The following IMPDH1 variants were observed in gnomAD, a reference collection of about 807,000 sequenced individuals.
IMPDH1 encodes the protein inosine monophosphate dehydrogenase 1.
In IMPDH1, 41 loss-of-function variants were observed where a neutral mutation model predicts 73.5. The observed-to-expected ratio is 0.56, with a 90% CI of 0.43 to 0.72. IMPDH1 has a LOEUF of 0.72. IMPDH1 is among the 30% of genes least tolerant of loss of function. The probability of loss-of-function intolerance (pLI) is 0.00; values close to 1 mark genes in which losing one functional copy is unlikely to be tolerated. For missense variants in IMPDH1, 645 were observed against 824.8 expected, an observed-to-expected ratio of 0.78 and a Z score of 2.67; for synonymous variants, 318 against 334.3, an observed-to-expected ratio of 0.95 and a Z score of 0.53.
In IMPDH1 at chr7:128,400,128, C is replaced by A. The variant is rs145014241; in HGVS notation, c.841G>T (p.Glu281Ter). Residue 281 changes from glutamate to a stop codon, truncating the protein, a stop_gained, in exon 9 of 17, where the codon GAG becomes TAG. Coordinates refer to ENST00000338791, the MANE Select transcript of IMPDH1 (RefSeq NM_000883.4). LOFTEE classifies it high-confidence loss of function. ...CTACGCTGCAGGATCTCATTTGCCT[C>A]TTTCAACGTCACACCTGCTGGAGCC... ...VVAPAGVTLK[E>*]ANEILQRSKK... 2 of 1,613,888 alleles carry A rather than the reference C, an allele frequency of 1.2e-6. No homozygotes were observed. The highest frequency in any genetic ancestry group is 1.7e-6 in the Non-Finnish European group (2 of 1,180,002).
chr7:128,393,315 C>T (rs968132664), intron 16 of IMPDH1, among the ~76,000 whole-genome samples: 1 of 152,216 alleles, frequency 6.6e-6, no homozygotes, highest in Non-Finnish European at 1.5e-5. Flanking sequence ...GGAGGGACAG[C>T]TCAGGCAGGC....
Position 128,409,908 on chromosome 7 carries a change from G to A in IMPDH1, c.-7C>T. On this transcript the variant is annotated 5_prime_UTR_variant, in exon 1 of 17. Transcript: ENST00000338791. Reference sequence around the variant, plus strand: ...GAGTGAGTGGCCCCTCCATGCGGAGGCCGCAGCTCAGGGCGGGCGGGAGCC... The same window carrying A: ...GAGTGAGTGGCCCCTCCATGCGGAGACCGCAGCTCAGGGCGGGCGGGAGCC... 1 of 1,398,426 alleles carries A rather than the reference G, an allele frequency of 7.2e-7. No individual in the cohort carries two copies. Among genetic ancestry groups the A allele is most frequent in the East Asian group, 3.0e-5 (1 of 32,966 alleles). The allele number at this position is 1,398,426 out of a possible 1,614,324, so 86.6% of individuals were successfully genotyped here.
intron 5 of IMPDH1, among the ~76,000 whole-genome samples, chr7:128,402,585 T>A (rs563012342): frequency 3.9e-5 from 6 of 152,388 alleles, no homozygotes; most frequent in African/African-American, 1.4e-4. Flanking sequence ...GGGTCAGCTC[T>A]GGCTAAACAC....
At position 128,394,575 on chromosome 7, in the gene IMPDH1, C is replaced by T. The variant is rs2228075; in HGVS notation, c.1575G>A (p.Ala525=). 0.26 allele frequency: 426,384 copies of T among 1,613,136 alleles called. 57,199 individuals are homozygous for T. Among genetic ancestry groups the T allele is most frequent in the East Asian group, 0.35 (15,756 of 44,830 alleles). ...CCTGGATGGAGCCCGAGACACCCTG[C>T]GCGATCTTCACTTTATCCCCCTCGC... ...YFSEGDKVKI[A]QGVSGSIQDK... Residue 525 remains alanine, a synonymous_variant, in exon 15 of 17, where the codon GCG becomes GCA. Coordinates refer to ENST00000338791, the MANE Select transcript of IMPDH1 (RefSeq NM_000883.4). This position sits in a 1 kb window ranked among gnomAD's most constrained non-coding sequence, Gnocchi z 5.5.
At chr7:128,409,726 G>A in intron 1 of IMPDH1, 30 bp downstream of exon 1, 1 of 1,525,124 alleles carries the variant, frequency 6.6e-7, no homozygotes, top group Non-Finnish European at 8.8e-7. Flanking sequence ...CGCCCCGGAT[G>A]CGCCCCGCGC....
In IMPDH1 at chr7:128,405,803, T is replaced by C; in HGVS notation, c.317A>G (p.Gln106Arg). 5 of 1,543,032 alleles carry C rather than the reference T, an allele frequency of 3.2e-6. No homozygotes were observed. The highest frequency in any genetic ancestry group is 4.4e-6 in the Non-Finnish European group (5 of 1,145,920). Reference protein sequence around the residue: ...GYVPEDGLTAQQLFASADGLT... With the variant: ...GYVPEDGLTARQLFASADGLT... ...GCCGTCGGCGCTGGCGAAGAGCTGCTGCGCGGTGAGCCCATCCTCGGGCAC... is the reference window on the plus strand; with the variant it reads ...GCCGTCGGCGCTGGCGAAGAGCTGCCGCGCGGTGAGCCCATCCTCGGGCAC... Residue 106 changes from glutamine to arginine, a missense_variant, in exon 4 of 17, where the codon CAG becomes CGG. Physicochemically the swap from Gln to Arg is conservative, Grantham distance 43. Transcript: ENST00000338791.
intron 12 of IMPDH1, 63 bp from the exon 13 acceptor site, chr7:128,395,337 G>T (rs555615171): frequency 3.0e-5 from 48 of 1,591,298 alleles, no homozygotes; most frequent in Non-Finnish European, 4.1e-5. Flanking sequence ...GCCTGGAGCG[G>T]GGCCAGCCCA....
chr7:128,399,686 C>CA (rs796291043), intron 9 of IMPDH1, among the ~76,000 whole-genome samples: 2,284 of 128,616 alleles, frequency 0.018, 52 homozygotes, highest in African/African-American at 0.058. Context: ...GACTCTGTCT[C>CA]AAAAAAAAAA....
chr7:128,406,237 C>T (rs1433751516), intron 3 of IMPDH1, among the ~76,000 whole-genome samples: 1 of 150,080 alleles, frequency 6.7e-6, no homozygotes, highest in Non-Finnish European at 1.5e-5. Flanking sequence ...GACACGCCCC[C>T]TCCGCCGCTC....
chr7:128,404,981 G>A (rs938268518), intron 4 of IMPDH1, among the ~76,000 whole-genome samples: 1 of 152,198 alleles, frequency 6.6e-6, no homozygotes, highest in African/African-American at 2.4e-5. Context: ...ACAAGCCAGG[G>A]CAGGGCTGGC....
At position 128,401,126 on chromosome 7, in the gene IMPDH1, G is replaced by C; in HGVS notation, c.403-10C>G. ...GGGCTGAGGTCAGGTCCTGAGGATG[G>C]AGGCACAGCCCACGTAAAGAGTTTA... On this transcript the variant is annotated splice_polypyrimidine_tract_variant and intron_variant, in intron 5 of 16. Transcript: ENST00000338791. The C allele has an allele frequency of 1.2e-6, 2 of 1,604,608 alleles. No homozygotes were observed. Among genetic ancestry groups the C allele is most frequent in the South Asian group, 1.1e-5 (1 of 90,848 alleles).
intron 3 of IMPDH1, among the ~76,000 whole-genome samples, chr7:128,407,804 T>G (rs113158024): frequency 3.9e-5 from 6 of 152,290 alleles, no homozygotes; most frequent in African/African-American, 1.4e-4. Context: ...TTTTACCATC[T>G]CAGGTGACCT....
intron 5 of IMPDH1, among the ~76,000 whole-genome samples, chr7:128,401,460 G>A (rs983000964): frequency 2.6e-5 from 4 of 152,192 alleles, no homozygotes; most frequent in Non-Finnish European, 4.4e-5. Context: ...ACTCTCGGCT[G>A]AGGGACTGAG....
chr7:128,403,775 GTGT>G (rs768485264), intron 4 of IMPDH1, 21 bp from the exon 5 acceptor site: 9 of 1,611,438 alleles, frequency 5.6e-6, no homozygotes, highest in African/African-American at 1.3e-5. Context: ...AGAGAAGTGA[GTGT>G]TATTAGTGGG....
At chr7:128,400,044 GT>G in intron 9 of IMPDH1, 50 bp downstream of exon 9, 5 of 1,369,572 alleles carry the variant, frequency 3.7e-6, no homozygotes, top group Non-Finnish European at 5.2e-6. Flanking sequence ...CAACGGGACT[GT>G]GGACAGGGAG....
intron 9 of IMPDH1, among the ~76,000 whole-genome samples, chr7:128,399,778 C>G (rs1269173899): frequency 6.6e-6 from 1 of 152,038 alleles, no homozygotes; most frequent in African/African-American, 2.4e-5. Context: ...CTTCTGAGAG[C>G]CTTTAATAAG....
At chr7:128,408,938 A>G (rs1798956583) in intron 3 of IMPDH1, among the ~76,000 whole-genome samples, 1 of 152,216 alleles carries the variant, frequency 6.6e-6, no homozygotes, top group Non-Finnish European at 1.5e-5. Flanking sequence ...ACCCCTGGGC[A>G]GAGCTGCCGG....
rs1216347186 is a variant in IMPDH1, at chr7:128,394,172, C to A, written c.1778+106G>T. The A allele has an allele frequency of 7.0e-5, 61 of 866,054 alleles. No individual in the cohort carries two copies. The highest frequency in any genetic ancestry group is 1.1e-4 in the Non-Finnish European group (55 of 513,206). 53.6% of individuals were successfully genotyped at this position (866,054 alleles called of 1,614,324 possible). A position where few individuals can be genotyped will look rare whatever the true frequency, so the allele number is the denominator to read the frequency against. On this transcript the variant is annotated intron_variant, in intron 16 of 16. Transcript: ENST00000338791. This position sits in a 1 kb window ranked among gnomAD's most constrained non-coding sequence, Gnocchi z 5.5. ...CCTGCAGCAGCATCTGTCCCTGCTG[C>A]AGGTGGTCCATGGGGTCCCTGGAAC...
intron 16 of IMPDH1, 131 bp from the exon 17 acceptor site, chr7:128,393,159 C>T (rs570871203): frequency 7.8e-6 from 8 of 1,022,160 alleles, no homozygotes; most frequent in African/African-American, 3.1e-5. Context: ...CTCAGCCGTA[C>T]GGCGCAGGAG....
Sources: gnomAD v4.1 joint callset for allele counts (sites outside exome capture counted in the v4.1 genomes callset) on GRCh38, gnomAD v4.1.1 for gene constraint, Gnocchi (gnomAD v3.1) non-coding constraint, MANE v1.5 for transcripts, NCBI Gene and HGNC (gene_info 2026-07-23, HGNC 2026-07-21) for gene names.